Variants in SPACA7 observed in about 807,000 individuals in gnomAD.
The protein encoded by SPACA7 is sperm acrosome-associated protein 7.
SPACA7 carries 19 observed loss-of-function variants against 26.3 expected under a neutral mutation model. That is an observed-to-expected ratio of 0.72 (90% CI 0.50 to 1.06). The LOEUF is 1.06. Among genes scored for constraint, SPACA7 ranks in the 50% least tolerant of loss-of-function variants. The pLI is 0.00. For missense variants in SPACA7, 211 were observed against 229.9 expected (o/e 0.92, Z 0.53); for synonymous variants, 84 against 84.5 (o/e 0.99, Z 0.04).
At chr13:112,387,012 A>T (rs1183080470) in intron 1 of SPACA7, among the ~76,000 whole-genome samples, 1 of 152,224 alleles carries the variant, frequency 6.6e-6, no homozygotes, top group Non-Finnish European at 1.5e-5. Context: ...AAATTACATA[A>T]ATAAGAAATC....
intron 1 of SPACA7, among the ~76,000 whole-genome samples, chr13:112,392,540 A>G (rs144015232): frequency 2.0e-5 from 3 of 152,262 alleles, no homozygotes; most frequent in South Asian, 4.1e-4. Flanking sequence ...GCATTGCACA[A>G]TGTTTCCCAT....
At chr13:112,400,429 G>T (rs1269290862) in intron 4 of SPACA7, among the ~76,000 whole-genome samples, 1 of 152,184 alleles carries the variant, frequency 6.6e-6, no homozygotes, top group Non-Finnish European at 1.5e-5. Context: ...TTGGGATTCT[G>T]CTTTAAGAAA....
At position 112,432,581 on chromosome 13, in the gene SPACA7, G is replaced by A. The variant is rs570426254; in HGVS notation, c.523+60G>A. 2.3e-6 allele frequency: 3 copies of A among 1,309,328 alleles called. No homozygotes were observed. In the Admixed American group the frequency reaches 5.1e-5, roughly 22 times the overall value. 81.1% of individuals were successfully genotyped at this position (1,309,328 alleles called of 1,614,324 possible). On this transcript the variant is annotated intron_variant, in intron 6 of 6. Coordinates refer to ENST00000283550, the MANE Select transcript of SPACA7 (RefSeq NM_145248.5). ...TTGGGGATTCTTTTCCTGCTCAAGG[G>A]ACAGGTGTGTCTCCGAGCAGCTCCA...
chr13:112,417,676 T>G (rs189334470), intron 5 of SPACA7, among the ~76,000 whole-genome samples: 3 of 152,288 alleles, frequency 2.0e-5, no homozygotes, highest in South Asian at 4.1e-4. Flanking sequence ...TCTGTAGCCC[T>G]TTCTCTGATC....
rs779166515 is a variant in SPACA7 at position 112,434,572 on chromosome 13, C to T, written c.*23C>T. On this transcript the variant is annotated 3_prime_UTR_variant, in exon 7 of 7. Transcript: ENST00000283550. ...TGAGGCCGCAGCCCCAGACCCCCTG[C>T]GCAGGAGAGGAGCCTGCTAGAACCC... is the stretch of plus-strand genomic sequence containing the variant. 22 of 1,585,058 alleles carry T rather than the reference C, an allele frequency of 1.4e-5. No individual in the cohort carries two copies. The highest frequency in any genetic ancestry group is 1.3e-4 in the South Asian group (11 of 87,140).
At chr13:112,404,428 T>A (rs1885844448) in intron 5 of SPACA7, among the ~76,000 whole-genome samples, 1 of 152,230 alleles carries the variant, frequency 6.6e-6, no homozygotes, top group Non-Finnish European at 1.5e-5. Flanking sequence ...TTTCATTAAG[T>A]CCCATCTATC....
At chr13:112,384,622 G>C (rs1317094618) in intron 1 of SPACA7, among the ~76,000 whole-genome samples, 1 of 152,078 alleles carries the variant, frequency 6.6e-6, no homozygotes, top group Non-Finnish European at 1.5e-5. Context: ...TCACAAAATA[G>C]AATCCCATGT....
At chr13:112,408,026 C>T (rs1385226756) in intron 5 of SPACA7, among the ~76,000 whole-genome samples, 1 of 152,156 alleles carries the variant, frequency 6.6e-6, no homozygotes, top group African/African-American at 2.4e-5. Context: ...CCACCATGAT[C>T]AACTGGGCTT....
intron 5 of SPACA7, among the ~76,000 whole-genome samples, chr13:112,418,590 G>A (rs1377907664): frequency 6.6e-6 from 1 of 152,172 alleles, no homozygotes; most frequent in African/African-American, 2.4e-5. Context: ...TTGGGTCAGA[G>A]GGCACTTGGC....
At chr13:112,385,787 CATTTG>C (rs948945512) in intron 1 of SPACA7, among the ~76,000 whole-genome samples, 8 of 152,160 alleles carry the variant, frequency 5.3e-5, no homozygotes, top group African/African-American at 1.7e-4. Flanking sequence ...TCTGACAAAA[CATTTG>C]ATTTAAGTGC....
chr13:112,404,978 C>CTT (rs373253878), intron 5 of SPACA7, among the ~76,000 whole-genome samples: 6,229 of 94,032 alleles, frequency 0.066, 600 homozygotes, highest in East Asian at 0.28. Context: ...GTATTCTCTT[C>CTT]TTTTTTTTTT....
At chr13:112,411,018 G>GA (rs1268196510) in intron 5 of SPACA7, among the ~76,000 whole-genome samples, 1 of 151,752 alleles carries the variant, frequency 6.6e-6, no homozygotes, top group Non-Finnish European at 1.5e-5. Context: ...CAGGAAAACT[G>GA]AAAAAAATAA....
chr13:112,415,783 G>A (rs1205982630), intron 5 of SPACA7, among the ~76,000 whole-genome samples: 1 of 152,112 alleles, frequency 6.6e-6, no homozygotes, highest in Non-Finnish European at 1.5e-5. Flanking sequence ...AAATTTATTT[G>A]GGACCTATGG....
chr13:112,382,560 G>T lies in SPACA7; in HGVS notation c.94+6081G>T, dbSNP rs1251582464. 6.5e-6 allele frequency: 10 copies of T among 1,536,972 alleles called. No individual in the cohort carries two copies. In the South Asian group the frequency reaches 1.2e-4, roughly 19 times the overall value. Reference sequence around the variant, plus strand: ...TATCTGGGCGACACATGCAGGCCTGGCTGGGCTTCCAAGGCTTGTGTGGTA... The same window carrying T: ...TATCTGGGCGACACATGCAGGCCTGTCTGGGCTTCCAAGGCTTGTGTGGTA... On this transcript the variant is annotated intron_variant, in intron 1 of 6. Coordinates refer to ENST00000283550, the MANE Select transcript of SPACA7 (RefSeq NM_145248.5).
chr13:112,407,401 A>C (rs1886054967), intron 5 of SPACA7, among the ~76,000 whole-genome samples: 1 of 152,198 alleles, frequency 6.6e-6, no homozygotes, highest in Non-Finnish European at 1.5e-5. Context: ...GACACAAAAA[A>C]CACTTCAAAA....
At chr13:112,419,728 G>A (rs1231988683) in intron 5 of SPACA7, among the ~76,000 whole-genome samples, 2 of 152,206 alleles carry the variant, frequency 1.3e-5, no homozygotes, top group Admixed American at 6.5e-5. Flanking sequence ...TGAGAGAAGT[G>A]ACATGGGTGC....
chr13:112,424,501 G>A (rs539941318), intron 5 of SPACA7, among the ~76,000 whole-genome samples: 1 of 152,180 alleles, frequency 6.6e-6, no homozygotes, highest in South Asian at 2.1e-4. Context: ...TATAGACAAT[G>A]GCATTGTGTT....
At chr13:112,385,353 A>G (rs2076234499) in intron 1 of SPACA7, among the ~76,000 whole-genome samples, 1 of 152,220 alleles carries the variant, frequency 6.6e-6, no homozygotes, top group African/African-American at 2.4e-5. Context: ...CATCTTGTAT[A>G]TAAAACTGTT....
intron 6 of SPACA7, among the ~76,000 whole-genome samples, chr13:112,433,695 GC>G (rs1479624326): frequency 1.3e-5 from 2 of 151,630 alleles, no homozygotes; most frequent in African/African-American, 4.8e-5. Flanking sequence ...GGGGCCCCCA[GC>G]CCCCCAAGTT....
Sources: gnomAD v4.1 joint callset for allele counts (sites outside exome capture counted in the v4.1 genomes callset) on GRCh38, gnomAD v4.1.1 for gene constraint, MANE v1.5 for transcripts, NCBI Gene and HGNC (gene_info 2026-07-23, HGNC 2026-07-21) for gene names.